The following AUTS2 variants were observed in gnomAD, a reference collection of about 807,000 sequenced individuals.
The protein encoded by AUTS2 is activator of transcription and developmental regulator AUTS2.
AUTS2 carries 17 observed loss-of-function variants against 112.4 expected under a neutral mutation model. The ratio of observed to expected loss-of-function variants is 0.15; its 90% CI spans 0.10 to 0.23. The LOEUF is 0.23. Among genes scored for constraint, AUTS2 ranks in the 10% least tolerant of loss-of-function variants. The probability of loss-of-function intolerance (pLI) is 1.00; values close to 1 mark genes in which losing one functional copy is unlikely to be tolerated. For synonymous variants in AUTS2, 751 were observed against 702.7 expected, an observed-to-expected ratio of 1.07 and a Z score of -1.09; for missense variants, 1,510 against 1,701.6, an observed-to-expected ratio of 0.89 and a Z score of 1.98.
At chr7:70,210,742 A>T (rs374676026) in intron 4 of AUTS2, among the ~76,000 whole-genome samples, 14 of 152,300 alleles carry the variant, frequency 9.2e-5, no homozygotes, top group African/African-American at 3.4e-4. Flanking sequence ...CAGGAAACCC[A>T]GTGTCCATTA....
At chr7:70,371,999 C>G (rs1562917806) in intron 4 of AUTS2, among the ~76,000 whole-genome samples, 1 of 152,094 alleles carries the variant, frequency 6.6e-6, no homozygotes, top group Non-Finnish European at 1.5e-5. Context: ...AATTCTAGGT[C>G]TAGTCACAAA....
chr7:70,372,317 T>C (rs1464888737), intron 4 of AUTS2, among the ~76,000 whole-genome samples: 1 of 152,138 alleles, frequency 6.6e-6, no homozygotes, highest in East Asian at 1.9e-4. Flanking sequence ...TCAAGTTGAG[T>C]TTTGTAGAGG....
chr7:70,522,548 A>G (rs557935978), intron 5 of AUTS2, among the ~76,000 whole-genome samples: 1 of 152,354 alleles, frequency 6.6e-6, no homozygotes, highest in South Asian at 2.1e-4. Context: ...AAGGGAAAAT[A>G]TACAGTATTT....
At chr7:70,057,094 G>C (rs1327694088) in intron 2 of AUTS2, among the ~76,000 whole-genome samples, 2 of 152,114 alleles carry the variant, frequency 1.3e-5, no homozygotes, top group African/African-American at 2.4e-5. Context: ...TTTAAAGTCT[G>C]CTGCTCTTTG....
rs9638582 is a variant in AUTS2, at chr7:70,088,374, G to A, written c.523-29758G>A. On this transcript the variant is annotated intron_variant, in intron 2 of 18. Coordinates refer to ENST00000342771, the MANE Select transcript of AUTS2 (RefSeq NM_015570.4). ...GATTTCCTGACCTCGTGATCTTCCC[G>A]CCTCAGCCTCCCAAAGTGCTGGGAT... 5.3e-5 allele frequency among the ~76,000 whole-genome samples: 8 copies of A among 151,890 alleles called. 1 individual carries two copies. The highest frequency in any genetic ancestry group is 4.2e-4 in the South Asian group (2 of 4,806).
intron 2 of AUTS2, among the ~76,000 whole-genome samples, chr7:69,912,055 C>G (rs999456338): frequency 6.6e-6 from 1 of 152,212 alleles, no homozygotes; most frequent in African/African-American, 2.4e-5. Flanking sequence ...TGGCCTCCCT[C>G]TTGTGCTCAT....
chr7:70,747,981 C>T (rs1788571768), intron 6 of AUTS2, among the ~76,000 whole-genome samples: 1 of 139,730 alleles, frequency 7.2e-6, no homozygotes, highest in South Asian at 2.3e-4. Flanking sequence ...GCCACCACGC[C>T]CAGCCAATTT....
chr7:70,419,019 T>A (rs1157953014), intron 4 of AUTS2, among the ~76,000 whole-genome samples: 4 of 152,110 alleles, frequency 2.6e-5, no homozygotes, highest in Admixed American at 2.6e-4. Flanking sequence ...ATCACCCCCG[T>A]TTTATTGATT....
chr7:70,602,514 T>A (rs1403267452), intron 5 of AUTS2, among the ~76,000 whole-genome samples: 1 of 152,248 alleles, frequency 6.6e-6, no homozygotes, highest in East Asian at 1.9e-4. Context: ...TCATGTTTTA[T>A]TTGGTGTTGC....
intron 4 of AUTS2, among the ~76,000 whole-genome samples, chr7:70,411,299 GCA>G (rs1348298038): frequency 2.0e-5 from 3 of 152,176 alleles, no homozygotes; most frequent in African/African-American, 7.2e-5. Context: ...CTCTGAAAAT[GCA>G]CAGTGGTCAG....
At chr7:70,786,445 G>A (rs1791482808) in intron 17 of AUTS2, among the ~76,000 whole-genome samples, 1 of 152,098 alleles carries the variant, frequency 6.6e-6, no homozygotes, top group South Asian at 2.1e-4. Flanking sequence ...ATGAAAAATA[G>A]CAGGAAGACA....
chr7:69,747,566 T>G (rs1348105332), intron 1 of AUTS2, among the ~76,000 whole-genome samples: 2 of 152,194 alleles, frequency 1.3e-5, no homozygotes, highest in Non-Finnish European at 2.9e-5. Flanking sequence ...ATTAGCTTTG[T>G]TTTACACATA....
intron 2 of AUTS2, among the ~76,000 whole-genome samples, chr7:70,002,443 G>A (rs531832664): frequency 6.6e-6 from 1 of 151,872 alleles, no homozygotes; most frequent in South Asian, 2.1e-4. Flanking sequence ...CCAGATTTTT[G>A]TCTTAGACTA....
intron 4 of AUTS2, among the ~76,000 whole-genome samples, chr7:70,363,406 T>C (rs1356386988): frequency 1.5e-5 from 2 of 137,208 alleles, no homozygotes; most frequent in African/African-American, 6.6e-5. Flanking sequence ...TATACATATG[T>C]AACTAACCTG....
intron 2 of AUTS2, among the ~76,000 whole-genome samples, chr7:69,934,076 C>T (rs1437305262): frequency 6.6e-6 from 1 of 152,160 alleles, no homozygotes; most frequent in Non-Finnish European, 1.5e-5. Flanking sequence ...CAGTTAGCTG[C>T]GGAATCTAGT....
chr7:70,639,516 G>A (rs1219270899), intron 5 of AUTS2, among the ~76,000 whole-genome samples: 1 of 150,184 alleles, frequency 6.7e-6, no homozygotes, highest in Non-Finnish European at 1.5e-5. Flanking sequence ...CTGGGGGGGT[G>A]GTGAGGCAGG....
intron 1 of AUTS2, among the ~76,000 whole-genome samples, chr7:69,701,947 C>T (rs1016176185): frequency 2.6e-5 from 4 of 152,150 alleles, no homozygotes; most frequent in Admixed American, 1.3e-4. Context: ...AAGAGTATGT[C>T]GGCAAAAGAG....
At chr7:70,247,616 C>T (rs1458140891) in intron 4 of AUTS2, among the ~76,000 whole-genome samples, 1 of 152,166 alleles carries the variant, frequency 6.6e-6, no homozygotes, top group African/African-American at 2.4e-5. Context: ...GATTTTGAAT[C>T]TAGCAACCTT....
chr7:70,038,054 G>A (rs746770603), intron 2 of AUTS2, among the ~76,000 whole-genome samples: 1 of 149,264 alleles, frequency 6.7e-6, no homozygotes, highest in Admixed American at 6.8e-5. Context: ...ATGAGGCAGT[G>A]GGTAGAGAAG....
Sources: allele counts gnomAD v4.1 joint callset (sites outside exome capture counted in the v4.1 genomes callset), GRCh38; gene constraint gnomAD v4.1.1; transcripts MANE v1.5; gene names NCBI Gene and HGNC (gene_info 2026-07-23, HGNC 2026-07-21).